Variants in COL6A2 observed in about 807,000 individuals in gnomAD.
COL6A2 encodes the protein collagen type VI alpha 2 chain.
COL6A2 carries 90 observed loss-of-function variants against 124.9 expected under a neutral mutation model. The ratio of observed to expected loss-of-function variants is 0.72; its 90% CI spans 0.61 to 0.86. COL6A2 has a LOEUF of 0.86. COL6A2 is among the 40% of genes least tolerant of loss of function. The pLI is 0.00. For synonymous variants in COL6A2, 793 were observed against 618.2 expected, an observed-to-expected ratio of 1.28 and a Z score of -4.19; for missense variants, 1,607 against 1,502.5, an observed-to-expected ratio of 1.07 and a Z score of -1.15.
In COL6A2 at chr21:46,124,672, G is replaced by A. The variant is rs749683007; in HGVS notation, c.1693G>A (p.Glu565Lys). Residue 565 changes from glutamate (E) to lysine (K), a missense_variant, in exon 22 of 28, where the codon GAG becomes AAG. Around this residue, in one of 3 missense-constraint regions of COL6A2, gnomAD observed 1,223 missense variants for 1,052.2 expected, o/e 1.16. Transcript: ENST00000300527. ...GEPADPGPPG[E>K]PGPRGPRGVP... ...TCAGGCGGATCCTGGTCCCCCTGGT[G>A]AGCCAGGCCCTCGGGGGCCAAGAGG... 4 of 1,612,970 alleles carry A rather than the reference G, an allele frequency of 2.5e-6. No homozygotes were observed. The highest frequency in any genetic ancestry group is 1.7e-5 in the Admixed American group (1 of 60,006).
rs2078649269 is a variant in COL6A2, at chr21:46,125,544, A to G, written c.1896A>G (p.Thr632=). The G allele has an allele frequency of 6.2e-7, 1 of 1,612,812 alleles. No individual in the cohort carries two copies. Among genetic ancestry groups the G allele is most frequent in the South Asian group, 1.1e-5 (1 of 91,078 alleles). Residue 632 remains threonine, a synonymous_variant, in exon 25 of 28, where the codon ACA becomes ACG. Transcript: ENST00000300527. ...SSESIGYTNF[T]LEKNFVINVV... is the part of the protein sequence containing the mutation. ...AGAGCATTGGGTACACCAACTTCAC[A>G]CTGGAGAAGAACTTCGTCATCAACG...
chr21:46,129,579 G>T, intron 27 of COL6A2: 1 of 1,451,356 alleles, frequency 6.9e-7, no homozygotes. Context: ...CTCAGTGGAG[G>T]CCAGAGATCT....
chr21:46,114,130 T>G (rs114008288), intron 5 of COL6A2, 57 bp downstream of exon 5: 1 of 1,490,544 alleles, frequency 6.7e-7, no homozygotes, highest in South Asian at 1.1e-5. Context: ...CTGATTTGTT[T>G]TGAAATCCAC....
intron 21 of COL6A2, 142 bp from the exon 22 acceptor site, chr21:46,124,509 A>G (rs1397747975): frequency 2.8e-6 from 2 of 719,392 alleles, no homozygotes; most frequent in Admixed American, 2.2e-5. Context: ...GAGGAGGCAC[A>G]GCCTTGTCTT....
chr21:46,125,423 A>G, intron 24 of COL6A2, 42 bp from the exon 25 acceptor site: 1 of 1,610,984 alleles, frequency 6.2e-7, no homozygotes, highest in South Asian at 1.1e-5. Context: ...CTAGGGTCTG[A>G]GGTCTCCCCG....
At chr21:46,114,151 G>C in intron 5 of COL6A2, 78 bp downstream of exon 5, 1 of 1,269,278 alleles carries the variant, frequency 7.9e-7, no homozygotes, top group East Asian at 2.3e-5. Flanking sequence ...ACTTGGCCGG[G>C]CGTGGTGGCT....
At chr21:46,131,522 C>T (rs897238568) in intron 27 of COL6A2, among the ~76,000 whole-genome samples, 1 of 152,228 alleles carries the variant, frequency 6.6e-6, no homozygotes, top group Non-Finnish European at 1.5e-5. Context: ...TGGGACCCAG[C>T]GATTGAGGGG....
In COL6A2 at chr21:46,126,651, G is replaced by A. The variant is rs939045079; in HGVS notation, c.2461+110G>A. The A allele has an allele frequency of 8.2e-5, 109 of 1,333,808 alleles. 1 individual carries two copies. Among genetic ancestry groups the A allele is most frequent in the Admixed American group, 1.7e-4 (9 of 53,408 alleles). 82.6% of individuals were successfully genotyped at this position (1,333,808 alleles called of 1,614,324 possible). On this transcript the variant is annotated intron_variant, in intron 27 of 27. Transcript: ENST00000300527. ...GGGCCGTGCAGGGACCCGGGGGGCG[G>A]CGGAGCCACTGCGGAGGCTGCTCCT... is the stretch of plus-strand genomic sequence containing the variant.
chr21:46,126,685 T>C (rs2078675564), intron 27 of COL6A2, 144 bp downstream of exon 27: 1 of 999,648 alleles, frequency 1.0e-6, no homozygotes, highest in South Asian at 1.4e-5. Flanking sequence ...CTTAGGGAGA[T>C]GGCCCCAGGA....
chr21:46,101,644 T>C (rs980854862), intron 1 of COL6A2, among the ~76,000 whole-genome samples: 2 of 152,206 alleles, frequency 1.3e-5, no homozygotes, highest in Non-Finnish European at 1.5e-5. Flanking sequence ...CACCGTTTGT[T>C]GAAAAGACTG....
chr21:46,106,699 C>T (rs1160591402), intron 1 of COL6A2, among the ~76,000 whole-genome samples: 2 of 152,188 alleles, frequency 1.3e-5, no homozygotes, highest in Non-Finnish European at 2.9e-5. Flanking sequence ...TTCCACCACT[C>T]TGAAAGGCCA....
chr21:46,113,938 T>C, intron 4 of COL6A2, 70 bp from the exon 5 acceptor site: 1 of 1,323,964 alleles, frequency 7.6e-7, no homozygotes, highest in Non-Finnish European at 1.1e-6. Context: ...CTACACGTTC[T>C]GAGACCCTGC....
chr21:46,126,468 C>CCCTGG (rs774362983), intron 26 of COL6A2, 35 bp from the exon 27 acceptor site: 5 of 1,611,464 alleles, frequency 3.1e-6, no homozygotes, highest in Non-Finnish European at 4.2e-6. Context: ...TAGGGACTGA[C>CCCTGG]CCTGGCCTGG....
At chr21:46,121,753 C>T in intron 18 of COL6A2, 135 bp downstream of exon 18, 3 of 866,890 alleles carry the variant, frequency 3.5e-6, no homozygotes, top group Non-Finnish European at 5.6e-6. Context: ...CTGTTCTCAG[C>T]TCTGGAGTGA....
At chr21:46,129,318 C>G (rs772265923) in intron 27 of COL6A2, 2 of 1,612,930 alleles carry the variant, frequency 1.2e-6, no homozygotes, top group Non-Finnish European at 1.7e-6. Flanking sequence ...GGAGCTCACG[C>G]AGGACCCGGC....
At chr21:46,114,193 G>A (rs1272896389) in intron 5 of COL6A2, 120 bp downstream of exon 5, 13 of 790,902 alleles carry the variant, frequency 1.6e-5, no homozygotes, top group East Asian at 5.1e-5. Context: ...TTGGGAGGCC[G>A]AGGCGGGCGG....
Position 46,124,866 on chromosome 21 carries a change from C to T in COL6A2, c.1735-19C>T, listed in dbSNP as rs1213906440. ...CCAGCCTTGGCCCCAGAGTCTCAGC[C>T]TCATCCTTCCTTCCCCAGGGTGAGC... On this transcript the variant is annotated intron_variant, in intron 22 of 27. Transcript: ENST00000300527. 4.3e-6 allele frequency: 7 copies of T among 1,612,778 alleles called. No individual in the cohort carries two copies. Among genetic ancestry groups the T allele is most frequent in the Non-Finnish European group, 5.9e-6 (7 of 1,179,988 alleles).
chr21:46,112,570 A>AG lies in COL6A2; in HGVS notation c.709dup (p.Val237GlyfsTer39). 2 of 1,611,952 alleles carry AG rather than the reference A, an allele frequency of 1.2e-6. No individual in the cohort carries two copies. Among genetic ancestry groups the AG allele is most frequent in the Non-Finnish European group, 1.7e-6 (2 of 1,179,798 alleles). On this transcript the variant is annotated frameshift_variant, in exon 3 of 28. Coordinates refer to ENST00000300527, the MANE Select transcript of COL6A2 (RefSeq NM_001849.4). LOFTEE classifies it high-confidence loss of function. ...CAGGACACCATCAACCGCATCATCAAGGTCATGGTGAGCCGCGGGCGGGAG... is the reference window on the plus strand; with the variant it reads ...CAGGACACCATCAACCGCATCATCAAGGGTCATGGTGAGCCGCGGGCGGGAG...
rs533131775 is a variant in COL6A2, at chr21:46,108,797, T to C, written c.-27-2653T>C. On this transcript the variant is annotated intron_variant, in intron 1 of 27. Transcript: ENST00000300527. ...TTAATATTGGCTAGAATTTTTGTGA[T>C]AATGTTATGGGATTTTTAGGGTGTC... Among the ~76,000 whole-genome samples the C allele has an allele frequency of 2.0e-5, 3 of 152,328 alleles. No individual in the cohort carries two copies. In the South Asian group the frequency reaches 6.2e-4, roughly 32 times the overall value.
Sources: gnomAD v4.1 joint callset for allele counts (sites outside exome capture counted in the v4.1 genomes callset) on GRCh38, gnomAD v4.1.1 for gene constraint, gnomAD v4.1.1 regional missense constraint, MANE v1.5 for transcripts, NCBI Gene and HGNC (gene_info 2026-07-23, HGNC 2026-07-21) for gene names.